N4BP2: variants seen among roughly 807,000 people sequenced by gnomAD.
The protein encoded by N4BP2 is NEDD4 binding protein 2, also known as NEDD4-binding protein 2.
In N4BP2, 91 loss-of-function variants were observed where a neutral mutation model predicts 152.8. The ratio of observed to expected loss-of-function variants is 0.60; its 90% CI spans 0.50 to 0.71. The LOEUF (loss-of-function observed/expected upper bound fraction) is 0.71. Among genes scored for constraint, N4BP2 ranks in the 30% least tolerant of loss-of-function variants. N4BP2 has a pLI of 0.00. For synonymous variants in N4BP2, 646 were observed against 705.3 expected (o/e 0.92, Z 1.33); for missense variants, 1,923 against 2,059.1 (o/e 0.93, Z 1.28).
At chr4:40,091,602 CTTTTTTTT>C (rs35142277) in intron 2 of N4BP2, among the ~76,000 whole-genome samples, 1 of 80,468 alleles carries the variant, frequency 1.2e-5, no homozygotes, top group East Asian at 3.0e-4. Flanking sequence ...GTATACAATC[CTTTTTTTT>C]TTTTTTTTTT....
the N4BP2 span, among the ~76,000 whole-genome samples, chr4:40,174,691 A>G: frequency 6.6e-6 from 1 of 151,686 alleles, no homozygotes; most frequent in Middle Eastern, 3.4e-3. Flanking sequence ...CATCCCAGTT[A>G]CTCGGGAGGC....
rs958555635 is a variant in N4BP2 at position 40,064,691 on chromosome 4, T to C, written c.-212+7661T>C. ...TGCTAAGATAGATGTCTAGGGTGCA[T>C]TGGGAGCTGTGGCTAAATCATGCTT... On this transcript the variant is annotated intron_variant, in intron 1 of 17. Coordinates refer to ENST00000261435, the MANE Select transcript of N4BP2 (RefSeq NM_018177.6). 6.6e-5 allele frequency among the ~76,000 whole-genome samples: 10 copies of C among 152,164 alleles called. 1 individual carries two copies. Among genetic ancestry groups the C allele is most frequent in the Admixed American group, 6.5e-4 (10 of 15,270 alleles).
chr4:40,104,905 C>G (rs939453977), intron 4 of N4BP2, among the ~76,000 whole-genome samples: 1 of 151,282 alleles, frequency 6.6e-6, no homozygotes, highest in Non-Finnish European at 1.5e-5. Flanking sequence ...CCCAGGTTCA[C>G]GCCATTCTCC....
rs765591027 is a variant in N4BP2, at chr4:40,152,794, G to A, written c.5158G>A (p.Gly1720Ser). Residue 1720 changes from glycine (G) to serine (S), a missense_variant, in exon 17 of 18, where the codon GGT (glycine) becomes AGT (serine). Gly to Ser is a moderately conservative substitution (Grantham distance 56, BLOSUM62 0). Coordinates refer to ENST00000261435, the MANE Select transcript of N4BP2 (RefSeq NM_018177.6). ...TGTTGTAACAGAATTTAAGCAGAAC[G>A]GTGGGAAGCCCTATTTGTCTGTGAT... is the stretch of plus-strand genomic sequence containing the variant. ...EKKTEEFKQN[G>S]GKPYLSVITG... The A allele has an allele frequency of 6.3e-5, 101 of 1,613,796 alleles. 2 individuals carry two copies. Among genetic ancestry groups the A allele is most frequent in the South Asian group, 2.9e-4 (26 of 91,078 alleles).
At chr4:40,063,988 G>C (rs921890283) in intron 1 of N4BP2, among the ~76,000 whole-genome samples, 1 of 151,638 alleles carries the variant, frequency 6.6e-6, no homozygotes, top group African/African-American at 2.4e-5. Context: ...CGGCAGGGGG[G>C]GGTCTCACTA....
chr4:40,177,792 T>C, the N4BP2 span, among the ~76,000 whole-genome samples: 6 of 152,178 alleles, frequency 3.9e-5, no homozygotes, highest in Non-Finnish European at 7.3e-5. Flanking sequence ...AGCTCTAATG[T>C]TCTTCCATCT....
chr4:40,059,772 TAC>T (rs1390208991), intron 1 of N4BP2, among the ~76,000 whole-genome samples: 2 of 152,228 alleles, frequency 1.3e-5, no homozygotes, highest in African/African-American at 4.8e-5. Flanking sequence ...TATGTGTATG[TAC>T]ACACACATGC....
At chr4:40,161,586 T>G (rs1050611554), downstream of N4BP2, among the ~76,000 whole-genome samples, 1 of 152,186 alleles carries the variant, frequency 6.6e-6, no homozygotes, top group African/African-American at 2.4e-5. Context: ...TGTGGTTGTA[T>G]TTTTAAAAGG....
At chr4:40,152,120 T>A (rs1243810720) in intron 16 of N4BP2, among the ~76,000 whole-genome samples, 1 of 152,246 alleles carries the variant, frequency 6.6e-6, no homozygotes, top group Non-Finnish European at 1.5e-5. Flanking sequence ...AAGAACTATC[T>A]ATCAGGAAAA....
At chr4:40,119,833 A>T (rs1645392410) in intron 8 of N4BP2, 99 bp from the exon 9 acceptor site, 1 of 559,222 alleles carries the variant, frequency 1.8e-6, no homozygotes, top group African/African-American at 1.9e-5. Flanking sequence ...TTTTCAGAAT[A>T]ACTGTTAAGT....
intron 1 of N4BP2, among the ~76,000 whole-genome samples, chr4:40,069,756 A>C (rs1334747891): frequency 1.3e-5 from 2 of 152,168 alleles, no homozygotes; most frequent in African/African-American, 4.8e-5. Context: ...AAACAAAATA[A>C]AAGAAGCAAC....
downstream of N4BP2, among the ~76,000 whole-genome samples, chr4:40,161,887 A>G (rs907285925): frequency 6.6e-6 from 1 of 152,216 alleles, no homozygotes; most frequent in Admixed American, 6.5e-5. Flanking sequence ...TAACCTGCAT[A>G]GTAGCTGCTA....
chr4:40,139,875 A>T (rs1166106799), intron 14 of N4BP2, among the ~76,000 whole-genome samples: 2 of 132,352 alleles, frequency 1.5e-5, no homozygotes, highest in Admixed American at 1.8e-4. Context: ...CTCAGGCTGG[A>T]GTGCAGTGGC....
chr4:40,065,239 T>C (rs1013722227), intron 1 of N4BP2, among the ~76,000 whole-genome samples: 2 of 151,996 alleles, frequency 1.3e-5, no homozygotes, highest in African/African-American at 4.8e-5. Flanking sequence ...TATCACAGAG[T>C]TGGAACTTGA....
the N4BP2 span, among the ~76,000 whole-genome samples, chr4:40,168,320 G>A: frequency 3.9e-5 from 6 of 152,050 alleles, no homozygotes; most frequent in African/African-American, 1.4e-4. Flanking sequence ...CAGTGAATAT[G>A]TTGTTTACAA....
At chr4:40,139,143 T>A (rs1032934644) in intron 14 of N4BP2, among the ~76,000 whole-genome samples, 1 of 152,374 alleles carries the variant, frequency 6.6e-6, no homozygotes, top group South Asian at 2.1e-4. Context: ...AGTTTATTTC[T>A]AAATACAGTA....
intron 17 of N4BP2, 127 bp from the exon 18 acceptor site, chr4:40,154,065 A>AAT (rs748959807): frequency 9.2e-6 from 6 of 650,956 alleles, no homozygotes; most frequent in Non-Finnish European, 1.6e-5. Context: ...ATATTGACTT[A>AAT]ATAAGGGTCA....
chr4:40,085,664 C>T (rs1310967066), intron 2 of N4BP2, among the ~76,000 whole-genome samples: 1 of 151,934 alleles, frequency 6.6e-6, no homozygotes, highest in Non-Finnish European at 1.5e-5. Context: ...AAAGAACAGG[C>T]CCTAGGACTG....
At chr4:40,100,234 C>G (rs936334616) in intron 3 of N4BP2, 6 of 356,366 alleles carry the variant, frequency 1.7e-5, no homozygotes, top group African/African-American at 1.3e-4. Context: ...TGTTGGTGTT[C>G]TGACTCCAGA....
Sources: gnomAD v4.1 joint callset for allele counts (sites outside exome capture counted in the v4.1 genomes callset) on GRCh38, gnomAD v4.1.1 for gene constraint, MANE v1.5 for transcripts, NCBI Gene and HGNC (gene_info 2026-07-23, HGNC 2026-07-21) for gene names.